TLR4: variants seen among roughly 807,000 people sequenced by gnomAD.
TLR4 encodes the protein toll like receptor 4.
Under a neutral mutation model 27.4 loss-of-function variants are expected in TLR4, and 17 were observed. The ratio of observed to expected loss-of-function variants is 0.62; its 90% CI spans 0.42 to 0.93. TLR4 has a LOEUF of 0.93. Among genes scored for constraint, TLR4 ranks in the 40% least tolerant of loss-of-function variants. TLR4 has a pLI of 0.00. For missense variants in TLR4, 926 were observed against 962.3 expected, an observed-to-expected ratio of 0.96 and a Z score of 0.50; for synonymous variants, 363 against 365.7, an observed-to-expected ratio of 0.99 and a Z score of 0.08.
chr9:117,704,606 T>C (rs1463634435), intron 1 of TLR4, 41 bp downstream of exon 1: 1 of 1,562,860 alleles, frequency 6.4e-7, no homozygotes, highest in Admixed American at 1.7e-5. Context: ...TTCCCTCACT[T>C]CTGCCCAGAA....
rs1315093401 is a variant in TLR4, at chr9:117,717,091, T to A, written c.*2443T>A. ...GTGCACATATCCCTATGTATCCCTA[T>A]CAGGGCTGTGTGTATTTGAAAGTGT... is the stretch of plus-strand genomic sequence containing the variant. On this transcript the variant is annotated 3_prime_UTR_variant, in exon 3 of 3. Transcript: ENST00000355622. 6.6e-6 allele frequency: 1 copy of A among 152,174 alleles called. No individual in the cohort carries two copies. The highest frequency in any genetic ancestry group is 2.4e-5 in the African/African-American group (1 of 41,444). The allele number at this position is 152,174 out of a possible 1,614,324, so 9.4% of individuals were successfully genotyped here.
At position 117,717,463 on chromosome 9, in the gene TLR4, G is replaced by A. The variant is rs1829369442; in HGVS notation, c.*2815G>A. 6.6e-6 allele frequency: 1 copy of A among 151,970 alleles called. No individual in the cohort carries two copies. The highest frequency in any genetic ancestry group is 2.4e-5 in the African/African-American group (1 of 41,404). The allele number at this position is 151,970 out of a possible 1,614,324, so 9.4% of individuals were successfully genotyped here. A position where few individuals can be genotyped will look rare whatever the true frequency, so the allele number is the denominator to read the frequency against. ...ATATTGTAATAAAAGTTATGTGAAT[G>A]TGATCTCTTTCTTTCTCTCTCTCAA... On this transcript the variant is annotated 3_prime_UTR_variant, in exon 3 of 3. Coordinates refer to ENST00000355622, the MANE Select transcript of TLR4 (RefSeq NM_138554.5).
intron 1 of TLR4, chr9:117,708,158 G>A: frequency 9.9e-7 from 1 of 1,010,540 alleles, no homozygotes; most frequent in Non-Finnish European, 1.2e-6. Context: ...GGCTCACTGA[G>A]GTTTTTCTTT....
At chr9:117,710,154 T>A (rs1829207192) in intron 2 of TLR4, among the ~76,000 whole-genome samples, 1 of 152,116 alleles carries the variant, frequency 6.6e-6, no homozygotes, top group South Asian at 2.1e-4. Flanking sequence ...GTACAATCGA[T>A]ACCATCACTC....
Position 117,713,859 on chromosome 9 carries a change from T to G in TLR4, c.1731T>G (p.Thr577=). The G allele has an allele frequency of 6.2e-7, 1 of 1,614,076 alleles. No homozygotes were observed. Among genetic ancestry groups the G allele is most frequent in the Non-Finnish European group, 8.5e-7 (1 of 1,180,012 alleles). The stretch of plus-strand genomic sequence containing the variant: ...GTAGTCTAGCTTTCTTAAATCTTAC[T>G]CAGAATGACTTTGCTTGTACTTGTG... The part of the protein sequence containing the change: ...FPSSLAFLNL[T]QNDFACTCEH... The change falls in exon 3 of 3, where the codon ACT becomes ACG. Residue 577 remains threonine (T), a synonymous_variant. Coordinates refer to ENST00000355622, the MANE Select transcript of TLR4 (RefSeq NM_138554.5).
intron 1 of TLR4, among the ~76,000 whole-genome samples, chr9:117,705,110 A>C (rs532924928): frequency 6.9e-4 from 105 of 151,958 alleles, no homozygotes; most frequent in African/African-American, 2.4e-3. Context: ...AAATAAGAGA[A>C]TGAAAAAGGA....
chr9:117,707,253 G>A (rs911067273), intron 1 of TLR4, among the ~76,000 whole-genome samples: 1 of 152,282 alleles, frequency 6.6e-6, no homozygotes, highest in African/African-American at 2.4e-5. Context: ...GCAGACATAC[G>A]AATGAAGATC....
rs1379000230 is a variant in TLR4 at position 117,717,198 on chromosome 9, A to G, written c.*2550A>G. ...ATACATCCATTTGAAATGGATGTCTATGGCTGTTTGAGATGAGTTCTCTAC... is the reference window on the plus strand; with the variant it reads ...ATACATCCATTTGAAATGGATGTCTGTGGCTGTTTGAGATGAGTTCTCTAC... On this transcript the variant is annotated 3_prime_UTR_variant, in exon 3 of 3. Coordinates refer to ENST00000355622, the MANE Select transcript of TLR4 (RefSeq NM_138554.5). The G allele has an allele frequency of 2.0e-5, 3 of 152,116 alleles. No individual in the cohort carries two copies. The highest frequency in any genetic ancestry group is 1.9e-4 in the East Asian group (1 of 5,184). The allele number at this position is 152,116 out of a possible 1,614,324, so 9.4% of individuals were successfully genotyped here.
rs1444500104 is a variant in TLR4 at position 117,714,007 on chromosome 9, T to G, written c.1879T>G (p.Cys627Gly). 6.2e-7 allele frequency: 1 copy of G among 1,614,000 alleles called. No individual in the cohort carries two copies. ...GCCTGTGCTGAGTTTGAATATCACC[T>G]GTCAGATGAATAAGACCATCATTGG... Reference protein sequence around the residue: ...GMPVLSLNITCQMNKTIIGVS... With the variant: ...GMPVLSLNITGQMNKTIIGVS... Residue 627 changes from cysteine (C) to glycine (G), a missense_variant, in exon 3 of 3, where the codon TGT (cysteine) becomes GGT (glycine). Coordinates refer to ENST00000355622, the MANE Select transcript of TLR4 (RefSeq NM_138554.5).
chr9:117,713,732 T>C lies in TLR4; in HGVS notation c.1604T>C (p.Leu535Ser). Residue 535 changes from leucine to serine, a missense_variant, in exon 3 of 3, where the codon TTG (leucine) becomes TCG (serine). Transcript: ENST00000355622. ...ATGAGCCACAACAACTTCTTTTCAT[T>C]GGATACGTTTCCTTATAAGTGTCTG... ...LNMSHNNFFS[L>S]DTFPYKCLNS... 1.2e-6 allele frequency: 2 copies of C among 1,614,028 alleles called. No homozygotes were observed. Among genetic ancestry groups the C allele is most frequent in the Non-Finnish European group, 1.7e-6 (2 of 1,180,006 alleles).
chr9:117,704,508 C>T lies in TLR4; in HGVS notation c.36C>T (p.Ile12=), dbSNP rs767566477. ...MSASRLAGTL[I]PAMAFLSCVR... ...CCTCGCGCCTGGCTGGGACTCTGAT[C>T]CCAGCCATGGCCTTCCTCTCCTGCG... Residue 12 remains isoleucine, a synonymous_variant, in exon 1 of 3, where the codon ATC becomes ATT. Transcript: ENST00000355622. 2.5e-6 allele frequency: 4 copies of T among 1,613,726 alleles called. No individual in the cohort carries two copies. Among genetic ancestry groups the T allele is most frequent in the South Asian group, 1.1e-5 (1 of 91,070 alleles).
At chr9:117,704,797 G>A (rs542988050) in intron 1 of TLR4, among the ~76,000 whole-genome samples, 117 of 152,246 alleles carry the variant, frequency 7.7e-4, no homozygotes, top group African/African-American at 2.8e-3. Flanking sequence ...AGATAACATA[G>A]ATCTGCTTAA....
intron 2 of TLR4, among the ~76,000 whole-genome samples, chr9:117,710,320 T>C (rs1829209972): frequency 7.2e-6 from 1 of 139,572 alleles, no homozygotes; most frequent in Non-Finnish European, 1.6e-5. Flanking sequence ...CTCATGGTAT[T>C]TGGCTTTCTG....
rs1481091203 is a variant in TLR4 at position 117,712,719 on chromosome 9, T to A, written c.591T>A (p.Val197=). ...IQSIYCTDLR[V]LHQMPLLNLS... ...GTATTTATTGCACAGACTTGCGGGT[T>A]CTACATCAAATGCCCCTACTCAATC... is the stretch of plus-strand genomic sequence containing the variant. Residue 197 remains valine, a synonymous_variant, in exon 3 of 3, where the codon GTT becomes GTA. Coordinates refer to ENST00000355622, the MANE Select transcript of TLR4 (RefSeq NM_138554.5). 2.5e-6 allele frequency: 4 copies of A among 1,614,084 alleles called. No homozygotes were observed. The South Asian group carries it at 4.4e-5, about 18-fold the overall frequency.
Position 117,712,769 on chromosome 9 carries a change from C to G in TLR4, c.641C>G (p.Pro214Arg), listed in dbSNP as rs1391716761. 3 of 1,614,008 alleles carry G rather than the reference C, an allele frequency of 1.9e-6. No homozygotes were observed. The Admixed American group carries it at 5.0e-5, about 27-fold the overall frequency. Residue 214 changes from proline (P) to arginine (R), a missense_variant, in exon 3 of 3, where the codon CCT becomes CGT. By Grantham distance (103) the Pro-to-Arg change is moderately radical. Coordinates refer to ENST00000355622, the MANE Select transcript of TLR4 (RefSeq NM_138554.5). ...CTCTCTTTAGACCTGTCCCTGAACC[C>G]TATGAACTTTATCCAACCAGGTGCA... is the stretch of plus-strand genomic sequence containing the variant. ...LNLSLDLSLN[P>R]MNFIQPGAFK...
chr9:117,714,313 A>G lies in TLR4; in HGVS notation c.2185A>G (p.Lys729Glu), dbSNP rs768869228. 2 of 1,594,166 alleles carry G rather than the reference A, an allele frequency of 1.3e-6. No homozygotes were observed. The highest frequency in any genetic ancestry group is 1.7e-6 in the Non-Finnish European group (2 of 1,165,340). Residue 729 changes from lysine (K) to glutamate (E), a missense_variant, in exon 3 of 3, where the codon AAA (lysine) becomes GAA (glutamate). Transcript: ENST00000355622. ...CAACATCATCCATGAAGGTTTCCAT[A>G]AAAGCCGAAAGGTGATTGTTGTGGT... ...AANIIHEGFHKSRKVIVVVSQ... is the reference protein window; with the variant it reads ...AANIIHEGFHESRKVIVVVSQ...
Position 117,713,642 on chromosome 9 carries a change from A to G in TLR4, c.1514A>G (p.Gln505Arg), listed in dbSNP as rs199891172. ...AACTTGACCTTCCTGGACCTCTCTC[A>G]GTGTCAACTGGAGCAGTTGTCTCCA... ...LRNLTFLDLS[Q>R]CQLEQLSPTA... Residue 505 changes from glutamine to arginine, a missense_variant, in exon 3 of 3, where the codon CAG becomes CGG. Physicochemically the swap from Gln to Arg is conservative, Grantham distance 43. Coordinates refer to ENST00000355622, the MANE Select transcript of TLR4 (RefSeq NM_138554.5). 5 of 1,614,066 alleles carry G rather than the reference A, an allele frequency of 3.1e-6. No individual in the cohort carries two copies. The South Asian group carries it at 5.5e-5, about 18-fold the overall frequency.
Position 117,715,009 on chromosome 9 carries a change from T to C in TLR4, c.*361T>C, listed in dbSNP as rs1829318866. The C allele has an allele frequency of 8.0e-6, 2 of 249,756 alleles. No homozygotes were observed. Among genetic ancestry groups the C allele is most frequent in the South Asian group, 1.1e-4 (2 of 17,886 alleles). 15.5% of individuals were successfully genotyped at this position (249,756 alleles called of 1,614,324 possible). ...TGGAAATTGTATTATGTTATAGCCA[T>C]CATAAAACCATTTTGGTAGTTTTGA... On this transcript the variant is annotated 3_prime_UTR_variant, in exon 3 of 3. Coordinates refer to ENST00000355622, the MANE Select transcript of TLR4 (RefSeq NM_138554.5).
At position 117,718,244 on chromosome 9, in the gene TLR4, C is replaced by T. The variant is rs984975965; in HGVS notation, c.*3596C>T. ...TCAAGGACACTTTCTTTCTTCCACA[C>T]CCAATTGCTTCATGCTTAAAGTTGG... On this transcript the variant is annotated 3_prime_UTR_variant, in exon 3 of 3. Coordinates refer to ENST00000355622, the MANE Select transcript of TLR4 (RefSeq NM_138554.5). 3.9e-5 allele frequency: 6 copies of T among 152,088 alleles called. No individual in the cohort carries two copies. Among genetic ancestry groups the T allele is most frequent in the African/African-American group, 1.4e-4 (6 of 41,420 alleles). The allele number at this position is 152,088 out of a possible 1,614,324, so 9.4% of individuals were successfully genotyped here. A position where few individuals can be genotyped will look rare whatever the true frequency, so the allele number is the denominator to read the frequency against.
Sources: allele counts gnomAD v4.1 joint callset (sites outside exome capture counted in the v4.1 genomes callset), GRCh38; gene constraint gnomAD v4.1.1; transcripts MANE v1.5; gene names NCBI Gene and HGNC (gene_info 2026-07-23, HGNC 2026-07-21).